The following TPMT variants were observed in gnomAD, a reference collection of about 807,000 sequenced individuals.
TPMT encodes the protein S-adenosyl-L-methionine:thiopurine S-methyltransferase.
TPMT carries 18 observed loss-of-function variants against 34.2 expected under a neutral mutation model. The ratio of observed to expected loss-of-function variants is 0.53; its 90% CI spans 0.36 to 0.78. The LOEUF (loss-of-function observed/expected upper bound fraction) is 0.78, where lower values mean the gene tolerates loss of function less well. Among genes scored for constraint, TPMT ranks in the 30% least tolerant of loss-of-function variants. The probability of loss-of-function intolerance (pLI) is 0.00; values close to 1 mark genes in which losing one functional copy is unlikely to be tolerated. For synonymous variants in TPMT, 69 were observed against 92.4 expected, an observed-to-expected ratio of 0.75 and a Z score of 1.45; for missense variants, 265 against 288.1, an observed-to-expected ratio of 0.92 and a Z score of 0.58.
chr6:18,145,278 A>T lies in TPMT; in HGVS notation c.234-1550T>A, dbSNP rs1249315158. 5.9e-5 allele frequency among the ~76,000 whole-genome samples: 9 copies of T among 152,196 alleles called. No homozygotes were observed. ...ACAAAAACAGGAACCTAATAATAAC[A>T]GTTTTATACATGTTAAATGGTTGAG... On this transcript the variant is annotated intron_variant, in intron 3 of 8. Coordinates refer to ENST00000309983, the MANE Select transcript of TPMT (RefSeq NM_000367.5). The surrounding 1 kb of genome is among the most constrained non-coding windows in gnomAD (Gnocchi z 5.6).
rs1184168755 is a variant in TPMT, at chr6:18,139,437, T to C, written c.419+228A>G. Among the ~76,000 whole-genome samples, 2 of 152,186 alleles carry C rather than the reference T, an allele frequency of 1.3e-5. No individual in the cohort carries two copies. The highest frequency in any genetic ancestry group is 4.8e-5 in the African/African-American group (2 of 41,428). Reference sequence around the variant, plus strand: ...ACACTGTCTTACTCACCTTTCTTTTTCCCTAGCTGCCTCAGTTTCCCATAG... The same window carrying C: ...ACACTGTCTTACTCACCTTTCTTTTCCCCTAGCTGCCTCAGTTTCCCATAG... On this transcript the variant is annotated intron_variant, in intron 5 of 8. Transcript: ENST00000309983. This position sits in a 1 kb window ranked among gnomAD's most constrained non-coding sequence, Gnocchi z 4.2.
intron 4 of TPMT, among the ~76,000 whole-genome samples, chr6:18,141,240 C>A (rs1318665597): frequency 6.6e-6 from 1 of 152,058 alleles, no homozygotes; most frequent in Non-Finnish European, 1.5e-5. Flanking sequence ...CCTTTTTGGA[C>A]TGAGTAAACT....
At chr6:18,152,792 A>G (rs897600600) in intron 1 of TPMT, among the ~76,000 whole-genome samples, 1 of 152,108 alleles carries the variant, frequency 6.6e-6, no homozygotes, top group Non-Finnish European at 1.5e-5. Context: ...GCTTTGTTCT[A>G]TAAGGACTTA....
At chr6:18,141,241 T>A (rs562583222) in intron 4 of TPMT, among the ~76,000 whole-genome samples, 1 of 152,114 alleles carries the variant, frequency 6.6e-6, no homozygotes, top group African/African-American at 2.4e-5. Flanking sequence ...CTTTTTGGAC[T>A]GAGTAAACTC....
chr6:18,132,245 C>T lies in TPMT; in HGVS notation c.581-68G>A, dbSNP rs757330581. ...GTAGGTGTACTTGTTCTACATACAACTTCATTATCCAAATAGGTGATGATG... is the reference window on the plus strand; with the variant it reads ...GTAGGTGTACTTGTTCTACATACAATTTCATTATCCAAATAGGTGATGATG... On this transcript the variant is annotated intron_variant, in intron 7 of 8. Coordinates refer to ENST00000309983, the MANE Select transcript of TPMT (RefSeq NM_000367.5). The surrounding 1 kb of genome is among the most constrained non-coding windows in gnomAD (Gnocchi z 4.8). 8.6e-5 allele frequency: 123 copies of T among 1,434,250 alleles called. No homozygotes were observed. The Middle Eastern group carries it at 3.7e-3, about 43-fold the overall frequency. 88.8% of individuals were successfully genotyped at this position (1,434,250 alleles called of 1,614,324 possible). A position where few individuals can be genotyped will look rare whatever the true frequency, so the allele number is the denominator to read the frequency against.
rs548181237 is a variant in TPMT at position 18,135,599 on chromosome 6, C to T, written c.495-1710G>A. ...TAAAATACTAACATAAGGCTGGGCACGGTGACTTACATCTGTAATCCCAGC... is the reference window on the plus strand; with the variant it reads ...TAAAATACTAACATAAGGCTGGGCATGGTGACTTACATCTGTAATCCCAGC... On this transcript the variant is annotated intron_variant, in intron 6 of 8. Transcript: ENST00000309983. The surrounding 1 kb of genome is among the most constrained non-coding windows in gnomAD (Gnocchi z 5.0). Among the ~76,000 whole-genome samples the T allele has an allele frequency of 2.6e-5, 4 of 152,202 alleles. No homozygotes were observed. Among genetic ancestry groups the T allele is most frequent in the Admixed American group, 2.0e-4 (3 of 15,288 alleles).
chr6:18,137,552 G>C (rs950617866), intron 6 of TPMT, among the ~76,000 whole-genome samples: 3 of 152,108 alleles, frequency 2.0e-5, no homozygotes, highest in African/African-American at 2.4e-5. Flanking sequence ...TACAGATGTG[G>C]TCACATTTTA....
Position 18,138,860 on chromosome 6 carries a change from T to C in TPMT, c.494+103A>G, listed in dbSNP as rs534466209. 5 of 936,702 alleles carry C rather than the reference T, an allele frequency of 5.3e-6. No homozygotes were observed. The African/African-American group carries it at 6.7e-5, about 12-fold the overall frequency. The allele number at this position is 936,702 out of a possible 1,614,324, so 58.0% of individuals were successfully genotyped here. On this transcript the variant is annotated intron_variant, in intron 6 of 8. Coordinates refer to ENST00000309983, the MANE Select transcript of TPMT (RefSeq NM_000367.5). The surrounding 1 kb of genome is among the most constrained non-coding windows in gnomAD (Gnocchi z 4.1). The stretch of plus-strand genomic sequence containing the variant: ...TTTATAAATTCCAAACATAATAACC[T>C]ATTTCAAACTCATAGAAGTCTAAGC...
rs144535788 is a variant in TPMT, at chr6:18,153,711, A to ATTGGGT, written c.-45+1316_-45+1321dup. Among the ~76,000 whole-genome samples the ATTGGGT allele has an allele frequency of 4.5e-3, 692 of 152,276 alleles. 7 individuals carry two copies. Among genetic ancestry groups the ATTGGGT allele is most frequent in the African/African-American group, 0.015 (634 of 41,564 alleles). On this transcript the variant is annotated intron_variant, in intron 1 of 8. Coordinates refer to ENST00000309983, the MANE Select transcript of TPMT (RefSeq NM_000367.5). This position sits in a 1 kb window ranked among gnomAD's most constrained non-coding sequence, Gnocchi z 4.2. ...GGTCAGTAGAAAGTATCTGATTTAT[A>ATTGGGT]TTGGGTACAGAAAAGCAAAAGAATG...
rs202065681 is a variant in TPMT at position 18,136,842 on chromosome 6, A to G, written c.494+2121T>C. On this transcript the variant is annotated intron_variant, in intron 6 of 8. Coordinates refer to ENST00000309983, the MANE Select transcript of TPMT (RefSeq NM_000367.5). The surrounding 1 kb of genome is among the most constrained non-coding windows in gnomAD (Gnocchi z 4.7). The stretch of plus-strand genomic sequence containing the variant: ...AAAGATTTGATTTTTCTCTCATAAA[A>G]TTTTTTTTTCTTTCTGGTAGGACAA... Among the ~76,000 whole-genome samples the G allele has an allele frequency of 6.6e-6, 1 of 151,860 alleles. No individual in the cohort carries two copies.
rs914836044 is a variant in TPMT, at chr6:18,128,991, T to C, written c.*1677A>G. On this transcript the variant is annotated 3_prime_UTR_variant, in exon 9 of 9. Coordinates refer to ENST00000309983, the MANE Select transcript of TPMT (RefSeq NM_000367.5). This position sits in a 1 kb window ranked among gnomAD's most constrained non-coding sequence, Gnocchi z 4.6. ...GCTCATACCTGTAATCCTAGCACTT[T>C]GGGTGGCCAAGACAGGAGGACTGCT... 2.0e-5 allele frequency: 3 copies of C among 152,300 alleles called. No individual in the cohort carries two copies. The highest frequency in any genetic ancestry group is 4.4e-5 in the Non-Finnish European group (3 of 68,104). 9.4% of individuals were successfully genotyped at this position (152,300 alleles called of 1,614,324 possible).
chr6:18,132,007 C>G lies in TPMT; in HGVS notation c.625+126G>C, dbSNP rs1032643696. 5 of 938,878 alleles carry G rather than the reference C, an allele frequency of 5.3e-6. No individual in the cohort carries two copies. The highest frequency in any genetic ancestry group is 5.1e-5 in the East Asian group (2 of 39,382). The allele number at this position is 938,878 out of a possible 1,614,324, so 58.2% of individuals were successfully genotyped here. ...GGCCAGGCTGGTCTCGAACTCCTGG[C>G]CTCAGGTGATCTGCCCACCTTGGCC... is the stretch of plus-strand genomic sequence containing the variant. On this transcript the variant is annotated intron_variant, in intron 8 of 8. Coordinates refer to ENST00000309983, the MANE Select transcript of TPMT (RefSeq NM_000367.5). This position sits in a 1 kb window ranked among gnomAD's most constrained non-coding sequence, Gnocchi z 4.8.
rs1054062881 is a variant in TPMT at position 18,132,818 on chromosome 6, G to A, written c.581-641C>T. On this transcript the variant is annotated intron_variant, in intron 7 of 8. Coordinates refer to ENST00000309983, the MANE Select transcript of TPMT (RefSeq NM_000367.5). The surrounding 1 kb of genome is among the most constrained non-coding windows in gnomAD (Gnocchi z 4.8). ...CAAGCAGAAACAAAATACTAGCTGGGAACGGTGGCTCACGCCTGTAATCCC... is the reference window on the plus strand; with the variant it reads ...CAAGCAGAAACAAAATACTAGCTGGAAACGGTGGCTCACGCCTGTAATCCC... 6.6e-6 allele frequency among the ~76,000 whole-genome samples: 1 copy of A among 152,016 alleles called. No homozygotes were observed. Among genetic ancestry groups the A allele is most frequent in the African/African-American group, 2.4e-5 (1 of 41,390 alleles).
chr6:18,146,531 A>C lies in TPMT; in HGVS notation c.233+1292T>G, dbSNP rs1694634999. ...TTATTACAAATGGCTTTAGACCCCA[A>C]ATATTCAACAATCACATTTAATTGG... On this transcript the variant is annotated intron_variant, in intron 3 of 8. Transcript: ENST00000309983. The surrounding 1 kb of genome is among the most constrained non-coding windows in gnomAD (Gnocchi z 6.2). Among the ~76,000 whole-genome samples the C allele has an allele frequency of 6.6e-6, 1 of 152,094 alleles. No homozygotes were observed. Among genetic ancestry groups the C allele is most frequent in the African/African-American group, 2.4e-5 (1 of 41,404 alleles).
At chr6:18,137,158 G>C (rs1408307488) in intron 6 of TPMT, among the ~76,000 whole-genome samples, 1 of 150,564 alleles carries the variant, frequency 6.6e-6, no homozygotes, top group Non-Finnish European at 1.5e-5. Flanking sequence ...TGTTTTTTTA[G>C]ATGAAATCTC....
upstream of TPMT, chr6:18,155,113 C>T (rs1320363827): frequency 1.3e-5 from 2 of 150,634 alleles, no homozygotes; most frequent in Non-Finnish European, 3.0e-5. This position sits in a 1 kb window ranked among gnomAD's most constrained non-coding sequence, Gnocchi z 6.2. Context: ...CTTCCACCTC[C>T]GCCACTTCTC....
In TPMT at chr6:18,139,427, C is replaced by T. The variant is rs149787391; in HGVS notation, c.419+238G>A. Among the ~76,000 whole-genome samples, 14 of 152,314 alleles carry T rather than the reference C, an allele frequency of 9.2e-5. No individual in the cohort carries two copies. In the East Asian group the frequency reaches 2.7e-3, roughly 29 times the overall value. ...AAGGTAGAAGACACTGTCTTACTCA[C>T]CTTTCTTTTTCCCTAGCTGCCTCAG... On this transcript the variant is annotated intron_variant, in intron 5 of 8. Transcript: ENST00000309983. This position sits in a 1 kb window ranked among gnomAD's most constrained non-coding sequence, Gnocchi z 4.2.
At chr6:18,142,242 C>G (rs1021696206) in intron 4 of TPMT, among the ~76,000 whole-genome samples, 1 of 151,926 alleles carries the variant, frequency 6.6e-6, no homozygotes, top group African/African-American at 2.4e-5. Flanking sequence ...TCCTGAACTC[C>G]TCATGTGTGT....
rs1325834070 is a variant in TPMT, at chr6:18,149,441, C to T, written c.-44-270G>A. Among the ~76,000 whole-genome samples, 1 of 151,760 alleles carries T rather than the reference C, an allele frequency of 6.6e-6. No individual in the cohort carries two copies. Among genetic ancestry groups the T allele is most frequent in the African/African-American group, 2.4e-5 (1 of 41,322 alleles). ...AAGTAGCTGGGACTGCAGGTGTGCA[C>T]CATCATGCCCAGCTAATCTTTCTTT... On this transcript the variant is annotated intron_variant, in intron 1 of 8. Coordinates refer to ENST00000309983, the MANE Select transcript of TPMT (RefSeq NM_000367.5). The surrounding 1 kb of genome is among the most constrained non-coding windows in gnomAD (Gnocchi z 5.0).
Sources: allele counts gnomAD v4.1 joint callset (sites outside exome capture counted in the v4.1 genomes callset), GRCh38; gene constraint gnomAD v4.1.1; non-coding constraint Gnocchi (gnomAD v3.1); transcripts MANE v1.5; gene names NCBI Gene and HGNC (gene_info 2026-07-23, HGNC 2026-07-21).